Variants in HS6ST3 observed in about 807,000 individuals in gnomAD.
HS6ST3 encodes the protein heparan-sulfate 6-O-sulfotransferase 3.
Under a neutral mutation model 36.7 loss-of-function variants are expected in HS6ST3, and 12 were observed. The observed-to-expected ratio is 0.33, with a 90% CI of 0.21 to 0.53. HS6ST3 has a LOEUF of 0.53. Ranked by LOEUF, HS6ST3 falls within the 20% of genes least tolerant of loss-of-function variation. HS6ST3 has a pLI of 0.95. For missense variants in HS6ST3, 584 were observed against 640.9 expected (o/e 0.91, Z 0.96); for synonymous variants, 240 against 257.5 (o/e 0.93, Z 0.65).
intron 1 of HS6ST3, among the ~76,000 whole-genome samples, chr13:96,698,118 A>T (rs2138450263): frequency 6.6e-6 from 1 of 152,284 alleles, no homozygotes; most frequent in South Asian, 2.1e-4. Flanking sequence ...ATATGTATAC[A>T]TGTGCCATGT....
chr13:96,517,881 T>C (rs1360109946), intron 1 of HS6ST3, among the ~76,000 whole-genome samples: 5 of 152,178 alleles, frequency 3.3e-5, no homozygotes, highest in African/African-American at 1.2e-4. Context: ...GGAATATAAA[T>C]CATTCTACCA....
chr13:96,488,676 G>A (rs577514174), intron 1 of HS6ST3, among the ~76,000 whole-genome samples: 93 of 152,014 alleles, frequency 6.1e-4, no homozygotes, highest in Non-Finnish European at 1.1e-3. Flanking sequence ...GAAATCTTTT[G>A]TCAGTCAAAT....
chr13:96,495,230 A>G (rs2055969037), intron 1 of HS6ST3, among the ~76,000 whole-genome samples: 1 of 152,250 alleles, frequency 6.6e-6, no homozygotes, highest in African/African-American at 2.4e-5. Flanking sequence ...TAACGAAAAG[A>G]GAACTCTTCT....
intron 1 of HS6ST3, among the ~76,000 whole-genome samples, chr13:96,472,946 C>G (rs1046400114): frequency 7.9e-5 from 12 of 152,150 alleles, no homozygotes; most frequent in African/African-American, 2.9e-4. Context: ...GGTGGTAGCC[C>G]TTAACCAATA....
At chr13:96,701,176 T>C (rs1875275621) in intron 1 of HS6ST3, among the ~76,000 whole-genome samples, 1 of 152,196 alleles carries the variant, frequency 6.6e-6, no homozygotes, top group Non-Finnish European at 1.5e-5. Context: ...ACAAAAGAAG[T>C]ACTATACTTA....
At chr13:96,647,324 T>G (rs142426520) in intron 1 of HS6ST3, among the ~76,000 whole-genome samples, 1 of 152,186 alleles carries the variant, frequency 6.6e-6, no homozygotes, top group African/African-American at 2.4e-5. Context: ...TGATATCACA[T>G]GTCTGGTTAT....
chr13:96,356,785 A>T (rs1465136423), intron 1 of HS6ST3, among the ~76,000 whole-genome samples: 1 of 152,196 alleles, frequency 6.6e-6, no homozygotes, highest in Non-Finnish European at 1.5e-5. Flanking sequence ...CTCTAACAAG[A>T]GAGTCAGCTT....
chr13:96,553,264 C>A lies in HS6ST3; in HGVS notation c.708-279226C>A, dbSNP rs557447730. On this transcript the variant is annotated intron_variant, in intron 1 of 1. Transcript: ENST00000376705. ...CAATATTCAGCATATGCTTACTGAG[C>A]ACCTATTATGTACAAAGGCATTGTG... is the stretch of plus-strand genomic sequence containing the variant. Among the ~76,000 whole-genome samples the A allele has an allele frequency of 1.2e-4, 18 of 152,308 alleles. No individual in the cohort carries two copies. The East Asian group carries it at 2.9e-3, about 25-fold the overall frequency.
At chr13:96,214,356 C>G (rs969888682) in intron 1 of HS6ST3, among the ~76,000 whole-genome samples, 2 of 152,114 alleles carry the variant, frequency 1.3e-5, no homozygotes, top group Admixed American at 1.3e-4. Flanking sequence ...GGTAGAATCT[C>G]ATCTCATCTC....
chr13:96,202,748 A>G (rs1318688642), intron 1 of HS6ST3, among the ~76,000 whole-genome samples: 1 of 152,180 alleles, frequency 6.6e-6, no homozygotes, highest in African/African-American at 2.4e-5. Context: ...AATCCTGCTG[A>G]GATTCACTGG....
chr13:96,804,003 C>T (rs979066974), intron 1 of HS6ST3, among the ~76,000 whole-genome samples: 51 of 152,100 alleles, frequency 3.4e-4, no homozygotes, highest in Non-Finnish European at 3.5e-4. Context: ...GCCTTTCGGT[C>T]CCATCTCTCC....
At chr13:96,432,683 T>C (rs1566359599) in intron 1 of HS6ST3, among the ~76,000 whole-genome samples, 1 of 152,166 alleles carries the variant, frequency 6.6e-6, no homozygotes, top group Non-Finnish European at 1.5e-5. Flanking sequence ...AAATGTTCCT[T>C]AGCAAAAGGT....
chr13:96,141,767 T>C (rs2054033049), intron 1 of HS6ST3, among the ~76,000 whole-genome samples: 1 of 151,718 alleles, frequency 6.6e-6, no homozygotes, highest in Non-Finnish European at 1.5e-5. Flanking sequence ...ATCAGGGGGG[T>C]CTTAAGGACC....
intron 1 of HS6ST3, among the ~76,000 whole-genome samples, chr13:96,440,154 C>T (rs750766521): frequency 3.3e-5 from 5 of 152,096 alleles, no homozygotes; most frequent in African/African-American, 7.2e-5. Context: ...AGTATAGAAA[C>T]AAAGAGGGTT....
In HS6ST3 at chr13:96,698,406, T is replaced by A. The variant is rs192271904; in HGVS notation, c.708-134084T>A. On this transcript the variant is annotated intron_variant, in intron 1 of 1. Coordinates refer to ENST00000376705, the MANE Select transcript of HS6ST3 (RefSeq NM_153456.4). ...TTTTTTATGACTGCATAGTATTCCA[T>A]GGTGTGTATGTGCCACATTTTCTTA... 8.3e-4 allele frequency among the ~76,000 whole-genome samples: 127 copies of A among 152,318 alleles called. 1 individual carries two copies. Among genetic ancestry groups the A allele is most frequent in the African/African-American group, 3.0e-3 (123 of 41,576 alleles).
intron 1 of HS6ST3, among the ~76,000 whole-genome samples, chr13:96,546,205 C>G (rs1319048251): frequency 1.3e-5 from 2 of 151,956 alleles, no homozygotes; most frequent in Non-Finnish European, 1.5e-5. Flanking sequence ...TCTCAATGCC[C>G]CAGGCTGCCC....
chr13:96,635,782 A>G lies in HS6ST3; in HGVS notation c.708-196708A>G, dbSNP rs528170998. Reference sequence around the variant, plus strand: ...ACCCCTTGCTACATGCCAGAAATTGAGTGATAAACACTATATTGGCCCTGC... The same window carrying G: ...ACCCCTTGCTACATGCCAGAAATTGGGTGATAAACACTATATTGGCCCTGC... On this transcript the variant is annotated intron_variant, in intron 1 of 1. Coordinates refer to ENST00000376705, the MANE Select transcript of HS6ST3 (RefSeq NM_153456.4). 6.6e-5 allele frequency among the ~76,000 whole-genome samples: 10 copies of G among 152,230 alleles called. No individual in the cohort carries two copies. The South Asian group carries it at 2.1e-3, about 32-fold the overall frequency.
At chr13:96,747,067 A>G (rs1594850838) in intron 1 of HS6ST3, among the ~76,000 whole-genome samples, 2 of 152,060 alleles carry the variant, frequency 1.3e-5, no homozygotes, top group East Asian at 3.8e-4. Flanking sequence ...TTGATTCTAC[A>G]TTGGAAAGTC....
At chr13:96,168,527 G>A (rs1396099756) in intron 1 of HS6ST3, among the ~76,000 whole-genome samples, 1 of 151,758 alleles carries the variant, frequency 6.6e-6, no homozygotes, top group Non-Finnish European at 1.5e-5. Context: ...GCAACATAGG[G>A]AGACCTCGTC....
Sources: allele counts gnomAD v4.1 joint callset (sites outside exome capture counted in the v4.1 genomes callset), GRCh38; gene constraint gnomAD v4.1.1; transcripts MANE v1.5; gene names NCBI Gene and HGNC (gene_info 2026-07-23, HGNC 2026-07-21).